The following AKT3 variants were observed in gnomAD, a reference collection of about 807,000 sequenced individuals.
The protein encoded by AKT3 is AKT serine/threonine kinase 3, also known as RAC-gamma serine/threonine-protein kinase.
AKT3 carries 15 observed loss-of-function variants against 65.3 expected under a neutral mutation model. That is an observed-to-expected ratio of 0.23 (90% CI 0.15 to 0.35). The LOEUF is 0.35. AKT3 is among the 10% of genes least tolerant of loss of function. The pLI is 1.00. For synonymous variants in AKT3, 206 were observed against 183.8 expected (o/e 1.12, Z -0.98); for missense variants, 243 against 576.5 (o/e 0.42, Z 5.92).
chr1:243,497,451 G>A (rs1411095060), downstream of AKT3, among the ~76,000 whole-genome samples: 1 of 152,074 alleles, frequency 6.6e-6, no homozygotes, highest in Non-Finnish European at 1.5e-5. Flanking sequence ...GATGGCCATG[G>A]CTGATCTGCC....
chr1:243,704,788 T>C (rs962854403), intron 2 of AKT3, among the ~76,000 whole-genome samples: 2 of 152,142 alleles, frequency 1.3e-5, no homozygotes, highest in African/African-American at 4.8e-5. Flanking sequence ...CATCTTTACG[T>C]TTCAGGTTTT....
At chr1:243,560,962 A>C (rs1673734332) in intron 10 of AKT3, among the ~76,000 whole-genome samples, 1 of 152,102 alleles carries the variant, frequency 6.6e-6, no homozygotes, top group Non-Finnish European at 1.5e-5. Context: ...GAAACAAATA[A>C]TTTTTTGTGA....
intron 6 of AKT3, among the ~76,000 whole-genome samples, chr1:243,619,259 G>A (rs772166205): frequency 1.3e-5 from 2 of 152,070 alleles, no homozygotes; most frequent in Admixed American, 6.6e-5. Context: ...ATACATTTTC[G>A]GGGTACATGT....
intron 11 of AKT3, among the ~76,000 whole-genome samples, chr1:243,548,903 T>G (rs1672856790): frequency 6.6e-6 from 1 of 152,210 alleles, no homozygotes; most frequent in African/African-American, 2.4e-5. Context: ...TCCAGTAGTA[T>G]TTAAAATAGC....
In AKT3 at chr1:243,722,815, G is replaced by A. The variant is rs142468044; in HGVS notation, c.47-27099C>T. ...GAGCAATGTAAAAACAACTATCACCGTAAGAACCCTGTCTAGGAAGCAATT... is the reference window on the plus strand; with the variant it reads ...GAGCAATGTAAAAACAACTATCACCATAAGAACCCTGTCTAGGAAGCAATT... On this transcript the variant is annotated intron_variant, in intron 2 of 13. Coordinates refer to ENST00000673466, the MANE Select transcript of AKT3 (RefSeq NM_005465.7). Among the ~76,000 whole-genome samples the A allele has an allele frequency of 5.5e-3, 844 of 152,200 alleles. 11 individuals carry two copies. Among genetic ancestry groups the A allele is most frequent in the African/African-American group, 0.019 (803 of 41,528 alleles).
At chr1:243,773,810 G>T (rs1418609326) in intron 2 of AKT3, among the ~76,000 whole-genome samples, 1 of 152,098 alleles carries the variant, frequency 6.6e-6, no homozygotes, top group Non-Finnish European at 1.5e-5. Context: ...GACTCAAAAA[G>T]TTCTCTTCTC....
chr1:243,597,430 T>C (rs1202204913), intron 8 of AKT3, among the ~76,000 whole-genome samples: 1 of 152,238 alleles, frequency 6.6e-6, no homozygotes, highest in African/African-American at 2.4e-5. Flanking sequence ...GTGGTTTTTA[T>C]CTTCTGTTTC....
At chr1:243,579,738 C>T (rs1574644540) in intron 8 of AKT3, among the ~76,000 whole-genome samples, 1 of 152,128 alleles carries the variant, frequency 6.6e-6, no homozygotes, top group Non-Finnish European at 1.5e-5. Flanking sequence ...AATAGGTACA[C>T]AAATGAAACA....
At chr1:243,728,798 C>T (rs187306891) in intron 2 of AKT3, among the ~76,000 whole-genome samples, 1 of 152,206 alleles carries the variant, frequency 6.6e-6, no homozygotes, top group East Asian at 1.9e-4. Context: ...GAGTCATATG[C>T]CAGACATCCC....
chr1:243,705,504 AACATT>A (rs1685741466), intron 2 of AKT3, among the ~76,000 whole-genome samples: 1 of 152,192 alleles, frequency 6.6e-6, no homozygotes, highest in South Asian at 2.1e-4. Context: ...GTTTTTAGGA[AACATT>A]ACATTTTTAA....
intron 11 of AKT3, among the ~76,000 whole-genome samples, chr1:243,552,039 C>G (rs1673106127): frequency 6.6e-6 from 1 of 151,918 alleles, no homozygotes. Flanking sequence ...ACTGTAATCC[C>G]AGCACTTTGG....
intron 8 of AKT3, among the ~76,000 whole-genome samples, chr1:243,590,930 GAT>G (rs1447366002): frequency 6.6e-6 from 1 of 152,174 alleles, no homozygotes; most frequent in African/African-American, 2.4e-5. Context: ...TGAATAAGGT[GAT>G]AGTTATGATT....
chr1:243,653,350 A>G lies in AKT3; in HGVS notation c.285-7313T>C, dbSNP rs565195944. Among the ~76,000 whole-genome samples, 4 of 152,340 alleles carry G rather than the reference A, an allele frequency of 2.6e-5. No homozygotes were observed. In the South Asian group the frequency reaches 6.2e-4, roughly 24 times the overall value. The stretch of plus-strand genomic sequence containing the variant: ...AACAAGTTCTGAAATTCAGGCAGCA[A>G]TTAACAGCCTACCAACCACAAAAAG... On this transcript the variant is annotated intron_variant, in intron 4 of 13. Coordinates refer to ENST00000673466, the MANE Select transcript of AKT3 (RefSeq NM_005465.7).
At chr1:243,512,664 T>A (rs559686575) in intron 12 of AKT3, among the ~76,000 whole-genome samples, 2 of 152,106 alleles carry the variant, frequency 1.3e-5, no homozygotes, top group Admixed American at 6.6e-5. Context: ...AAGAAAACCA[T>A]TGAATAGGAC....
At chr1:243,683,235 T>C (rs1684046649) in intron 3 of AKT3, among the ~76,000 whole-genome samples, 1 of 152,148 alleles carries the variant, frequency 6.6e-6, no homozygotes, top group Non-Finnish European at 1.5e-5. Context: ...AGAAAACATA[T>C]GTGAAAGGGC....
At chr1:243,497,412 T>A (rs569586361), downstream of AKT3, among the ~76,000 whole-genome samples, 5 of 151,482 alleles carry the variant, frequency 3.3e-5, no homozygotes, top group Admixed American at 2.0e-4. Context: ...GCTTCTCACC[T>A]GAACCGCAGG....
At chr1:243,679,381 T>C (rs1020091975) in intron 3 of AKT3, among the ~76,000 whole-genome samples, 1 of 152,208 alleles carries the variant, frequency 6.6e-6, no homozygotes, top group Non-Finnish European at 1.5e-5. Context: ...AAACAGGTGA[T>C]AGAGAACTGA....
intron 4 of AKT3, among the ~76,000 whole-genome samples, chr1:243,655,698 A>G (rs959529250): frequency 6.6e-6 from 1 of 152,126 alleles, no homozygotes; most frequent in African/African-American, 2.4e-5. Context: ...AAGCAAATCT[A>G]TTTCCAGTTT....
rs926558903 is a variant in AKT3, at chr1:243,502,852, G to A, written c.*2397C>T. 2.1e-5 allele frequency: 5 copies of A among 233,100 alleles called. No individual in the cohort carries two copies. The highest frequency in any genetic ancestry group is 1.1e-4 in the African/African-American group (5 of 45,314). The allele number at this position is 233,100 out of a possible 1,614,324, so 14.4% of individuals were successfully genotyped here. ...TCATTAATCTTTAAGAAGTGTCCTT[G>A]GCCAAGGTCATGGGAATCACTTTAA... On this transcript the variant is annotated 3_prime_UTR_variant, in exon 14 of 14. Coordinates refer to ENST00000673466, the MANE Select transcript of AKT3 (RefSeq NM_005465.7).
Sources: gnomAD v4.1 joint callset for allele counts (sites outside exome capture counted in the v4.1 genomes callset) on GRCh38, gnomAD v4.1.1 for gene constraint, MANE v1.5 for transcripts, NCBI Gene and HGNC (gene_info 2026-07-23, HGNC 2026-07-21) for gene names.